BACE2: variants seen among roughly 807,000 people sequenced by gnomAD.
The protein encoded by BACE2 is beta-secretase 2, also known as 56 kDa aspartic-like protease.
Under a neutral mutation model 46.2 loss-of-function variants are expected in BACE2, and 17 were observed. The ratio of observed to expected loss-of-function variants is 0.37; its 90% confidence interval spans 0.25 to 0.55. The LOEUF (loss-of-function observed/expected upper bound fraction) is 0.55, where lower values mean the gene tolerates loss of function less well. Among genes scored for constraint, BACE2 ranks in the 20% least tolerant of loss-of-function variants. BACE2 has a pLI of 0.82. For synonymous variants in BACE2, 277 were observed against 295.9 expected (o/e 0.94, Z 0.66); for missense variants, 595 against 698.1 (o/e 0.85, Z 1.66).
intron 1 of BACE2, among the ~76,000 whole-genome samples, chr21:41,201,506 C>T (rs976166080): frequency 2.0e-5 from 3 of 152,240 alleles, no homozygotes; most frequent in Admixed American, 6.5e-5. Context: ...GCACTTAAAA[C>T]CTATGAGGCT....
chr21:41,239,471 G>A (rs971353569), intron 3 of BACE2, among the ~76,000 whole-genome samples: 5 of 152,098 alleles, frequency 3.3e-5, no homozygotes, highest in Non-Finnish European at 7.4e-5. Flanking sequence ...TCTAGCTCCC[G>A]GGTTCAAGTG....
At chr21:41,254,175 T>G (rs2123623479) in intron 7 of BACE2, among the ~76,000 whole-genome samples, 1 of 152,318 alleles carries the variant, frequency 6.6e-6, no homozygotes. Context: ...TTAAACTTTG[T>G]CTATACCCAA....
chr21:41,179,511 G>A (rs746745885), intron 1 of BACE2: 1 of 1,358,934 alleles, frequency 7.4e-7, no homozygotes, highest in East Asian at 4.6e-5. Context: ...TGTCTGGGGT[G>A]AGTGAGGGTG....
rs181366586 is a variant in BACE2, at chr21:41,280,982, G to A, written c.*5358G>A. ...TCCAGCCACGGCAAGAGCGACGTGC[G>A]GGTACCTGGTCCCTGATGCTTGGGT... On this transcript the variant is annotated 3_prime_UTR_variant, in exon 9 of 9. Transcript: ENST00000330333. 5.3e-5 allele frequency: 8 copies of A among 152,262 alleles called. No individual in the cohort carries two copies. The highest frequency in any genetic ancestry group is 1.4e-4 in the African/African-American group (6 of 41,522). The allele number at this position is 152,262 out of a possible 1,614,324, so 9.4% of individuals were successfully genotyped here.
At chr21:41,260,926 G>A (rs1442487558) in intron 8 of BACE2, among the ~76,000 whole-genome samples, 2 of 152,088 alleles carry the variant, frequency 1.3e-5, no homozygotes, top group African/African-American at 2.4e-5. Flanking sequence ...GAATGCTGTG[G>A]TAGTGTGTAT....
At chr21:41,224,278 G>A (rs781133432) in intron 1 of BACE2, among the ~76,000 whole-genome samples, 83 of 139,824 alleles carry the variant, frequency 5.9e-4, no homozygotes, top group Non-Finnish European at 1.1e-3. Context: ...GCAGTGGTGC[G>A]ATCTCGGCTC....
intron 1 of BACE2, among the ~76,000 whole-genome samples, chr21:41,192,335 T>C (rs146302008): frequency 2.2e-4 from 33 of 152,298 alleles, no homozygotes; most frequent in African/African-American, 6.5e-4. Flanking sequence ...CACTTCCTCA[T>C]GTAACTTACT....
chr21:41,196,034 C>G (rs1421862748), intron 1 of BACE2, among the ~76,000 whole-genome samples: 1 of 152,128 alleles, frequency 6.6e-6, no homozygotes, highest in Non-Finnish European at 1.5e-5. Flanking sequence ...CCTGTAATCC[C>G]AGTACTTTGG....
intron 1 of BACE2, among the ~76,000 whole-genome samples, chr21:41,221,291 A>G (rs1272948192): frequency 6.6e-6 from 1 of 152,074 alleles, no homozygotes; most frequent in African/African-American, 2.4e-5. Flanking sequence ...CCTCTCCACT[A>G]TTTCCATGGC....
Position 41,257,244 on chromosome 21 carries a change from C to G in BACE2, c.1221C>G (p.Ile407Met), listed in dbSNP as rs749978923. The G allele has an allele frequency of 2.5e-6, 4 of 1,614,162 alleles. No individual in the cohort carries two copies. The highest frequency in any genetic ancestry group is 1.7e-4 in the Middle Eastern group (1 of 6,060). Residue 407 changes from isoleucine (I) to methionine (M), a missense_variant, in exon 8 of 9, where the codon ATC becomes ATG. By Grantham distance (10) the Ile-to-Met change is conservative (BLOSUM62 1). This residue lies in a region of BACE2 where 343 missense variants were observed against 419.4 expected (regional missense o/e 0.82). Transcript: ENST00000330333. Reference protein sequence around the residue: ...GISPSTNALVIGATVMEGFYV... With the variant: ...GISPSTNALVMGATVMEGFYV... The stretch of plus-strand genomic sequence containing the variant: ...CCCCATCCACAAATGCGCTGGTGAT[C>G]GGTGCCACGGTGATGGAGGGCTTCT...
In BACE2 at chr21:41,171,534, C is replaced by T. The variant is rs118157842; in HGVS notation, c.312+2959C>T. 1.4e-3 allele frequency among the ~76,000 whole-genome samples: 218 copies of T among 152,326 alleles called. 2 individuals carry two copies. The East Asian group carries it at 0.021, about 15-fold the overall frequency. ...GGCATGGAGATGACTGCCAGGTTTG[C>T]GGCTGATCCCATTATGTGGGTTCTT... On this transcript the variant is annotated intron_variant, in intron 1 of 8. Coordinates refer to ENST00000330333, the MANE Select transcript of BACE2 (RefSeq NM_012105.5).
chr21:41,262,226 A>G (rs1024827534), intron 8 of BACE2, among the ~76,000 whole-genome samples: 1 of 152,180 alleles, frequency 6.6e-6, no homozygotes, highest in South Asian at 2.1e-4. Flanking sequence ...CTAATGATAT[A>G]CCGCATTGAT....
chr21:41,178,885 A>G, intron 1 of BACE2: 1 of 277,046 alleles, frequency 3.6e-6, no homozygotes, highest in South Asian at 4.5e-5. Context: ...CTTTTAGAGG[A>G]GTGCTGTGAG....
At chr21:41,190,624 T>G (rs887366288) in intron 1 of BACE2, among the ~76,000 whole-genome samples, 3 of 152,150 alleles carry the variant, frequency 2.0e-5, no homozygotes, top group Non-Finnish European at 4.4e-5. Flanking sequence ...AGGTTGTGAT[T>G]TTTTTTTCCT....
chr21:41,179,288 G>T (rs201399226), intron 1 of BACE2: 1 of 1,301,980 alleles, frequency 7.7e-7, no homozygotes, highest in East Asian at 5.1e-5. Context: ...GGAGTCCAGG[G>T]TGAGGATTGA....
chr21:41,254,766 T>G (rs1308944049), intron 7 of BACE2, among the ~76,000 whole-genome samples: 2 of 152,246 alleles, frequency 1.3e-5, no homozygotes, highest in African/African-American at 2.4e-5. Context: ...CTGTGGGAAC[T>G]GGCCCTCCTG....
intron 2 of BACE2, among the ~76,000 whole-genome samples, chr21:41,232,413 A>G (rs1483162215): frequency 6.6e-6 from 1 of 152,208 alleles, no homozygotes; most frequent in African/African-American, 2.4e-5. Context: ...CTATAGGAGC[A>G]TTTTCCAGAA....
intron 8 of BACE2, among the ~76,000 whole-genome samples, chr21:41,266,551 C>T (rs1353677694): frequency 3.9e-5 from 6 of 152,258 alleles, no homozygotes; most frequent in East Asian, 1.9e-4. Context: ...ATGCCAGCCA[C>T]GTTTGAGGTG....
chr21:41,216,387 A>G (rs948352371), intron 1 of BACE2, among the ~76,000 whole-genome samples: 2 of 152,220 alleles, frequency 1.3e-5, no homozygotes, highest in Non-Finnish European at 2.9e-5. Flanking sequence ...GGCTTTGCCA[A>G]GCTGTGACTC....
Sources: gnomAD v4.1 joint callset for allele counts (sites outside exome capture counted in the v4.1 genomes callset) on GRCh38, gnomAD v4.1.1 for gene constraint, gnomAD v4.1.1 regional missense constraint, MANE v1.5 for transcripts, NCBI Gene and HGNC (gene_info 2026-07-23, HGNC 2026-07-21) for gene names.